NBAS: variants seen among roughly 807,000 people sequenced by gnomAD.
NBAS encodes NBAS subunit of NRZ tethering complex.
NBAS carries 219 observed loss-of-function variants against 302.5 expected under a neutral mutation model. The observed-to-expected ratio is 0.72, with a 90% CI of 0.65 to 0.81. The LOEUF is 0.81. NBAS is among the 30% of genes least tolerant of loss of function. The pLI, the probability that NBAS is intolerant of heterozygous loss-of-function variation, is 0.00. For synonymous variants in NBAS, 1,118 were observed against 1,021.6 expected (o/e 1.09, Z -1.80); for missense variants, 2,932 against 2,841.6 (o/e 1.03, Z -0.72).
At chr2:15,331,137 TTTAA>T (rs1437174527) in intron 35 of NBAS, among the ~76,000 whole-genome samples, 6 of 152,214 alleles carry the variant, frequency 3.9e-5, no homozygotes, top group South Asian at 2.1e-4. Flanking sequence ...GTATTTATTA[TTTAA>T]TTAAGAAATA....
intron 45 of NBAS, among the ~76,000 whole-genome samples, chr2:15,237,500 A>G (rs925466520): frequency 1.3e-4 from 20 of 152,004 alleles, no homozygotes; most frequent in African/African-American, 4.6e-4. Flanking sequence ...AATACAGTGT[A>G]GACATAAAAG....
At chr2:15,545,798 C>T (rs970935491) in intron 6 of NBAS, among the ~76,000 whole-genome samples, 2 of 152,222 alleles carry the variant, frequency 1.3e-5, no homozygotes, top group Non-Finnish European at 1.5e-5. Flanking sequence ...TTCAAACCAG[C>T]ACTACTCCAA....
the NBAS span, among the ~76,000 whole-genome samples, chr2:15,100,113 T>C: frequency 6.6e-6 from 1 of 152,216 alleles, no homozygotes; most frequent in Middle Eastern, 3.2e-3. Flanking sequence ...TCATTCACAC[T>C]GTATTCTATG....
intron 21 of NBAS, among the ~76,000 whole-genome samples, chr2:15,432,763 T>G (rs767527848): frequency 6.6e-6 from 1 of 152,144 alleles, no homozygotes; most frequent in Non-Finnish European, 1.5e-5. Flanking sequence ...TACACTGTGG[T>G]TGACATCACT....
At chr2:15,022,318 ACTCCTCT>A in the NBAS span, among the ~76,000 whole-genome samples, 1 of 151,934 alleles carries the variant, frequency 6.6e-6, no homozygotes, top group East Asian at 1.9e-4. Context: ...TCAATGACTG[ACTCCTCT>A]CTCTTCACTA....
intron 40 of NBAS, among the ~76,000 whole-genome samples, chr2:15,306,060 G>A (rs1359060301): frequency 1.3e-5 from 2 of 152,132 alleles, no homozygotes; most frequent in Admixed American, 6.5e-5. Context: ...GAGTTTTAGA[G>A]GAAATTATTT....
intron 44 of NBAS, among the ~76,000 whole-genome samples, chr2:15,254,999 C>G (rs1426800936): frequency 6.6e-6 from 1 of 152,110 alleles, no homozygotes; most frequent in Non-Finnish European, 1.5e-5. Flanking sequence ...CATACTTTTG[C>G]AATTGCGAAT....
At chr2:15,174,213 T>C (rs1664427649) in intron 51 of NBAS, among the ~76,000 whole-genome samples, 1 of 152,246 alleles carries the variant, frequency 6.6e-6, no homozygotes, top group Non-Finnish European at 1.5e-5. Flanking sequence ...TTCTTGGTTT[T>C]GTATAAATAT....
intron 47 of NBAS, among the ~76,000 whole-genome samples, chr2:15,229,619 T>C (rs1338827135): frequency 6.6e-6 from 1 of 151,332 alleles, no homozygotes; most frequent in Non-Finnish European, 1.5e-5. Flanking sequence ...CCATCTCTAC[T>C]AAGAATACAA....
At chr2:15,085,141 G>A in the NBAS span, among the ~76,000 whole-genome samples, 1 of 152,184 alleles carries the variant, frequency 6.6e-6, no homozygotes, top group South Asian at 2.1e-4. Flanking sequence ...GGGACCCGAG[G>A]CAGAGCTGGG....
At position 15,402,035 on chromosome 2, in the gene NBAS, A is replaced by G. The variant is rs6733647; in HGVS notation, c.3071+133T>C. 0.64 allele frequency: 599,155 copies of G among 931,378 alleles called. 196,921 individuals are homozygous for G. Among genetic ancestry groups the G allele is most frequent in the Non-Finnish European group, 0.68 (395,319 of 579,228 alleles). 57.7% of individuals were successfully genotyped at this position (931,378 alleles called of 1,614,324 possible). On this transcript the variant is annotated intron_variant, in intron 26 of 51. Transcript: ENST00000281513. Reference sequence around the variant, plus strand: ...TATCCTAGGCAATAGGATTGCAGATAATTTTATTTTCTTCCTTATGTTTTT... The same window carrying G: ...TATCCTAGGCAATAGGATTGCAGATGATTTTATTTTCTTCCTTATGTTTTT...
At chr2:15,539,818 C>A (rs1371965408) in intron 6 of NBAS, among the ~76,000 whole-genome samples, 2 of 151,692 alleles carry the variant, frequency 1.3e-5, no homozygotes, top group Non-Finnish European at 2.9e-5. Context: ...TGGGACTATG[C>A]TAACATTGTA....
At chr2:15,221,814 G>C (rs547142833) in intron 47 of NBAS, among the ~76,000 whole-genome samples, 27 of 152,322 alleles carry the variant, frequency 1.8e-4, no homozygotes, top group South Asian at 6.2e-4. Flanking sequence ...TTAGAGGAGA[G>C]AGGTAAGGAA....
intron 6 of NBAS, among the ~76,000 whole-genome samples, chr2:15,540,531 G>T (rs1250625069): frequency 6.6e-6 from 1 of 151,802 alleles, no homozygotes; most frequent in Non-Finnish European, 1.5e-5. Flanking sequence ...CACTTTAAAA[G>T]TCCTGAAGGT....
At chr2:15,520,129 C>T (rs925236451) in intron 9 of NBAS, among the ~76,000 whole-genome samples, 2 of 152,074 alleles carry the variant, frequency 1.3e-5, no homozygotes, top group Admixed American at 1.3e-4. Flanking sequence ...AGGCCAGGCA[C>T]AGTGACTTAC....
At chr2:15,005,315 C>T in the NBAS span, among the ~76,000 whole-genome samples, 4 of 152,172 alleles carry the variant, frequency 2.6e-5, no homozygotes, top group African/African-American at 4.8e-5. Flanking sequence ...TGGCAGCCAC[C>T]GTTCTATTCT....
the NBAS span, among the ~76,000 whole-genome samples, chr2:14,822,012 AAC>A: frequency 1.3e-5 from 2 of 152,024 alleles, no homozygotes; most frequent in Non-Finnish European, 2.9e-5. Flanking sequence ...CAGCCTGGGC[AAC>A]AGAGTGAGAC....
At chr2:14,989,355 C>T in the NBAS span, among the ~76,000 whole-genome samples, 1 of 146,468 alleles carries the variant, frequency 6.8e-6, no homozygotes, top group East Asian at 2.0e-4. Context: ...GTCAGAAGTG[C>T]GAGACCAGCC....
At chr2:15,200,262 A>C (rs1665814800) in intron 48 of NBAS, among the ~76,000 whole-genome samples, 1 of 152,212 alleles carries the variant, frequency 6.6e-6, no homozygotes, top group African/African-American at 2.4e-5. Context: ...CAGGAAAAGA[A>C]GACAGACAAA....
Sources: allele counts gnomAD v4.1 joint callset (sites outside exome capture counted in the v4.1 genomes callset), GRCh38; gene constraint gnomAD v4.1.1; transcripts MANE v1.5; gene names NCBI Gene and HGNC (gene_info 2026-07-23, HGNC 2026-07-21).